The following KCNH8 variants were observed in gnomAD, a reference collection of about 807,000 sequenced individuals.
KCNH8 encodes potassium voltage-gated channel subfamily H member 8, also known as voltage-gated delayed rectifier potassium channel KCNH8.
Under a neutral mutation model 103.6 loss-of-function variants are expected in KCNH8, and 70 were observed. The observed-to-expected ratio is 0.68, with a 90% CI of 0.56 to 0.82. The LOEUF (loss-of-function observed/expected upper bound fraction) is 0.82, where lower values mean the gene tolerates loss of function less well. Among genes scored for constraint, KCNH8 ranks in the 40% least tolerant of loss-of-function variants. KCNH8 has a pLI of 0.00. For synonymous variants in KCNH8, 498 were observed against 489.4 expected, an observed-to-expected ratio of 1.02 and a Z score of -0.23; for missense variants, 1,217 against 1,329.9, an observed-to-expected ratio of 0.92 and a Z score of 1.32.
At chr3:19,425,351 G>A (rs2067012788) in intron 7 of KCNH8, among the ~76,000 whole-genome samples, 1 of 152,104 alleles carries the variant, frequency 6.6e-6, no homozygotes, top group Non-Finnish European at 1.5e-5. Context: ...GCTCCAACTA[G>A]GAGGACTTAG....
At chr3:19,479,543 C>T (rs1430547031) in intron 11 of KCNH8, among the ~76,000 whole-genome samples, 1 of 152,096 alleles carries the variant, frequency 6.6e-6, no homozygotes, top group Non-Finnish European at 1.5e-5. Flanking sequence ...AACATTAGTG[C>T]TCCCTTATTC....
chr3:19,518,233 C>CT (rs2068909196), intron 15 of KCNH8, among the ~76,000 whole-genome samples, 159 bp downstream of exon 15: 1 of 152,028 alleles, frequency 6.6e-6, no homozygotes, highest in African/African-American at 2.4e-5. Flanking sequence ...TGTGTGATCT[C>CT]TGACAAGTCA....
At chr3:19,232,109 A>G (rs2125238622) in intron 1 of KCNH8, among the ~76,000 whole-genome samples, 1 of 152,340 alleles carries the variant, frequency 6.6e-6, no homozygotes, top group East Asian at 1.9e-4. Context: ...AATAATTGAC[A>G]GGAATTAGTG....
chr3:19,342,492 T>A, intron 3 of KCNH8, 95 bp from the exon 4 acceptor site: 5 of 1,227,700 alleles, frequency 4.1e-6, no homozygotes, highest in Non-Finnish European at 5.5e-6. Flanking sequence ...TTGGAAAACA[T>A]GTACAATATG....
chr3:19,509,309 T>C (rs1264023612), intron 11 of KCNH8, among the ~76,000 whole-genome samples: 1 of 152,030 alleles, frequency 6.6e-6, no homozygotes, highest in South Asian at 2.1e-4. Context: ...GGGAAAAAAA[T>C]GAGGAAAGGG....
chr3:19,383,536 T>C (rs1424044686), intron 5 of KCNH8, among the ~76,000 whole-genome samples: 3 of 152,154 alleles, frequency 2.0e-5, no homozygotes, highest in African/African-American at 7.2e-5. Flanking sequence ...TACATCCTGA[T>C]GATTTATGTA....
At chr3:19,149,562 T>C (rs1387306936) in intron 1 of KCNH8, among the ~76,000 whole-genome samples, 1 of 152,146 alleles carries the variant, frequency 6.6e-6, no homozygotes, top group Non-Finnish European at 1.5e-5. Flanking sequence ...CGTTATCATC[T>C]GCAAGTTGTT....
At chr3:19,347,612 T>C (rs2125320010) in intron 4 of KCNH8, 113 bp from the exon 5 acceptor site, 1 of 1,258,040 alleles carries the variant, frequency 7.9e-7, no homozygotes, top group Admixed American at 2.1e-5. Flanking sequence ...ACTTGTAAGA[T>C]ACTGCTTTGT....
At position 19,513,224 on chromosome 3, in the gene KCNH8, G is replaced by A; in HGVS notation, c.2334G>A (p.Lys778=). Residue 778 remains lysine (K), a synonymous_variant, in exon 13 of 16, where the codon AAG becomes AAA. Transcript: ENST00000328405. ...CCAGGTCAAATTCCCCCAAAACCAA[G>A]CAGGAAATTGACCCCCCCAACCATA... ...RVSRSNSPKT[K]QEIDPPNHNK... 1 of 1,613,816 alleles carries A rather than the reference G, an allele frequency of 6.2e-7. No homozygotes were observed. Among genetic ancestry groups the A allele is most frequent in the Non-Finnish European group, 8.5e-7 (1 of 1,179,930 alleles).
At chr3:19,269,117 C>G (rs1262363121) in intron 2 of KCNH8, among the ~76,000 whole-genome samples, 2 of 151,990 alleles carry the variant, frequency 1.3e-5, no homozygotes, top group African/African-American at 4.8e-5. Flanking sequence ...ATGTACTAAT[C>G]CACAGAGCAC....
At chr3:19,160,924 A>G (rs2063227688) in intron 1 of KCNH8, among the ~76,000 whole-genome samples, 1 of 152,140 alleles carries the variant, frequency 6.6e-6, no homozygotes, top group Non-Finnish European at 1.5e-5. Context: ...AAGAGTGGTG[A>G]TGCTAGTGAT....
intron 3 of KCNH8, among the ~76,000 whole-genome samples, chr3:19,312,946 A>G (rs1481828149): frequency 7.2e-5 from 11 of 152,052 alleles, no homozygotes; most frequent in Admixed American, 3.3e-4. Context: ...CTGGATACCT[A>G]TGATTTCAGA....
intron 1 of KCNH8, among the ~76,000 whole-genome samples, chr3:19,190,695 T>G (rs567978818): frequency 6.6e-6 from 1 of 152,062 alleles, no homozygotes. Flanking sequence ...GCTAATTTAC[T>G]GAAGCAACAA....
intron 1 of KCNH8, among the ~76,000 whole-genome samples, chr3:19,245,917 A>G (rs1176049986): frequency 1.3e-5 from 2 of 152,186 alleles, no homozygotes; most frequent in Non-Finnish European, 2.9e-5. Context: ...TCCCATTTGA[A>G]TAACTTTTTA....
intron 3 of KCNH8, among the ~76,000 whole-genome samples, chr3:19,327,125 G>A (rs1430719598): frequency 2.6e-5 from 4 of 152,120 alleles, no homozygotes; most frequent in Non-Finnish European, 2.9e-5. Context: ...TGGAAGCTGC[G>A]TAAGTCCAGA....
intron 2 of KCNH8, among the ~76,000 whole-genome samples, chr3:19,255,275 G>A (rs757659333): frequency 3.9e-5 from 6 of 152,072 alleles, no homozygotes; most frequent in Non-Finnish European, 2.9e-5. Context: ...TATCGTTTAA[G>A]CTACCTAGTC....
At chr3:19,516,540 T>C (rs1045518421) in intron 14 of KCNH8, among the ~76,000 whole-genome samples, 4 of 152,054 alleles carry the variant, frequency 2.6e-5, no homozygotes, top group African/African-American at 9.7e-5. Context: ...ATATTTGCAA[T>C]AAAAGCCTAT....
At chr3:19,454,042 G>T (rs1482738228) in intron 10 of KCNH8, among the ~76,000 whole-genome samples, 6 of 151,808 alleles carry the variant, frequency 4.0e-5, no homozygotes, top group African/African-American at 1.5e-4. Flanking sequence ...CAATAGAAAG[G>T]CATGAAATAG....
intron 15 of KCNH8, among the ~76,000 whole-genome samples, chr3:19,531,293 A>ACC (rs752236759): frequency 1.3e-5 from 2 of 152,262 alleles, no homozygotes; most frequent in East Asian, 3.9e-4. Flanking sequence ...TTAAGATGGA[A>ACC]CCCTTGTGAA....
Sources: allele counts gnomAD v4.1 joint callset (sites outside exome capture counted in the v4.1 genomes callset), GRCh38; gene constraint gnomAD v4.1.1; transcripts MANE v1.5; gene names NCBI Gene and HGNC (gene_info 2026-07-23, HGNC 2026-07-21).